The following SCN2A variants were observed in gnomAD, a reference collection of about 807,000 sequenced individuals.
SCN2A encodes the protein sodium channel protein type 2 subunit alpha.
Under a neutral mutation model 188.7 loss-of-function variants are expected in SCN2A, and 20 were observed. The ratio of observed to expected loss-of-function variants is 0.11; its 90% CI spans 0.07 to 0.15. The LOEUF is 0.15. SCN2A is among the 10% of genes least tolerant of loss of function. SCN2A has a pLI of 1.00. For synonymous variants in SCN2A, 804 were observed against 833.1 expected, an observed-to-expected ratio of 0.97 and a Z score of 0.60; for missense variants, 1,278 against 2,445.0, an observed-to-expected ratio of 0.52 and a Z score of 10.07.
intron 3 of SCN2A, among the ~76,000 whole-genome samples, chr2:165,301,166 A>G (rs756443424): frequency 4.6e-5 from 7 of 152,096 alleles, no homozygotes; most frequent in Non-Finnish European, 8.8e-5. Context: ...GAGCAAACCA[A>G]TTTGGTGGGT....
intron 15 of SCN2A, 79 bp downstream of exon 15, chr2:165,342,548 T>C: frequency 7.1e-7 from 1 of 1,412,774 alleles, no homozygotes; most frequent in Non-Finnish European, 1.0e-6. Flanking sequence ...AATGGCAAGA[T>C]TTCCCATCAT....
intron 16 of SCN2A, among the ~76,000 whole-genome samples, chr2:165,348,169 G>A (rs934281641): frequency 1.3e-5 from 2 of 152,054 alleles, no homozygotes; most frequent in Non-Finnish European, 2.9e-5. Context: ...GACCAGCCTA[G>A]TCAACATGGC....
chr2:165,300,532 T>C (rs948274683), intron 3 of SCN2A, among the ~76,000 whole-genome samples: 1 of 152,146 alleles, frequency 6.6e-6, no homozygotes, highest in African/African-American at 2.4e-5. Context: ...AAGGTACCAG[T>C]TGAGCAGAGA....
chr2:165,272,569 T>C (rs1020023894), intron 1 of SCN2A: 4 of 152,070 alleles, frequency 2.6e-5, no homozygotes, highest in Admixed American at 6.6e-5. Context: ...TACATTCTTT[T>C]CAAATACACA....
chr2:165,367,482 G>T, intron 19 of SCN2A, 111 bp downstream of exon 19: 1 of 1,230,432 alleles, frequency 8.1e-7, no homozygotes, highest in Non-Finnish European at 1.2e-6. Context: ...AGAATGAGAA[G>T]AAATATGTGT....
At chr2:165,243,751 A>G (rs1362853766) in intron 1 of SCN2A, 1 of 152,030 alleles carries the variant, frequency 6.6e-6, no homozygotes, top group Non-Finnish European at 1.5e-5. Context: ...AATCTCCTCT[A>G]AGGTGAATGC....
intron 23 of SCN2A, among the ~76,000 whole-genome samples, chr2:165,378,699 T>C (rs925150913): frequency 6.6e-6 from 1 of 151,766 alleles, no homozygotes; most frequent in Non-Finnish European, 1.5e-5. Flanking sequence ...CCACCTTCCT[T>C]ATCAATAGCT....
At chr2:165,300,989 G>C (rs953504541) in intron 3 of SCN2A, among the ~76,000 whole-genome samples, 4 of 152,078 alleles carry the variant, frequency 2.6e-5, no homozygotes, top group Admixed American at 2.6e-4. Context: ...CAATGAGGAT[G>C]GTAAAATGTC....
chr2:165,267,602 A>T (rs1012777033), intron 1 of SCN2A: 1 of 152,062 alleles, frequency 6.6e-6, no homozygotes, highest in Middle Eastern at 3.4e-3. Flanking sequence ...TTTGAATCTG[A>T]CCCCAAAATC....
intron 25 of SCN2A, among the ~76,000 whole-genome samples, chr2:165,384,735 G>A (rs559483171): frequency 6.6e-6 from 1 of 152,260 alleles, no homozygotes; most frequent in African/African-American, 2.4e-5. Flanking sequence ...ATCAATGAAA[G>A]CACTCAGTTT....
chr2:165,255,432 G>A lies in SCN2A; in HGVS notation c.-52+15792G>A, dbSNP rs190081140. On this transcript the variant is annotated intron_variant, in intron 1 of 26. Coordinates refer to ENST00000375437, the MANE Select transcript of SCN2A (RefSeq NM_001040142.2). The stretch of plus-strand genomic sequence containing the variant: ...AAAATGTACATGATTTGGTATTCAC[G>A]TTAATTTAAAAATGTTCTCCATAAG... 4.0e-5 allele frequency among the ~76,000 whole-genome samples: 6 copies of A among 151,784 alleles called. No homozygotes were observed. The South Asian group carries it at 8.3e-4, about 21-fold the overall frequency.
At chr2:165,347,512 A>G (rs1699662739) in intron 16 of SCN2A, among the ~76,000 whole-genome samples, 1 of 152,122 alleles carries the variant, frequency 6.6e-6, no homozygotes, top group Non-Finnish European at 1.5e-5. Context: ...TAATGGATGC[A>G]GCAAACCACC....
chr2:165,257,909 G>A (rs1694400631), intron 1 of SCN2A, among the ~76,000 whole-genome samples: 1 of 152,128 alleles, frequency 6.6e-6, no homozygotes, highest in South Asian at 2.1e-4. Flanking sequence ...TTTGTCCCAT[G>A]TATGTCTTCT....
At chr2:165,368,260 A>C (rs1449755816) in intron 19 of SCN2A, among the ~76,000 whole-genome samples, 5 of 152,066 alleles carry the variant, frequency 3.3e-5, no homozygotes, top group Non-Finnish European at 5.9e-5. Flanking sequence ...ACTTCTCTCT[A>C]ATGTCCAACT....
intron 2 of SCN2A, 101 bp downstream of exon 2, chr2:165,296,191 T>A: frequency 1.8e-6 from 2 of 1,138,498 alleles, no homozygotes; most frequent in Non-Finnish European, 2.7e-6. Flanking sequence ...TCCCTCTGTC[T>A]AAAGTATCAC....
intron 14 of SCN2A, among the ~76,000 whole-genome samples, chr2:165,340,004 G>A (rs1268049787): frequency 6.6e-6 from 1 of 152,142 alleles, no homozygotes; most frequent in Non-Finnish European, 1.5e-5. Flanking sequence ...CATGTCAATG[G>A]ATTTTTTGAA....
intron 10 of SCN2A, 105 bp from the exon 11 acceptor site, chr2:165,315,366 T>C (rs1316885361): frequency 6.5e-7 from 1 of 1,543,712 alleles, no homozygotes; most frequent in African/African-American, 1.4e-5. Context: ...AATGGAGAAT[T>C]GTTTTTCAAG....
intron 3 of SCN2A, among the ~76,000 whole-genome samples, chr2:165,301,256 G>C (rs1281530845): frequency 1.3e-5 from 2 of 152,112 alleles, no homozygotes; most frequent in Admixed American, 6.5e-5. Context: ...GAGTTAGGTG[G>C]CTGTGCAAAT....
At chr2:165,358,961 A>G (rs1700314849) in intron 17 of SCN2A, among the ~76,000 whole-genome samples, 1 of 152,126 alleles carries the variant, frequency 6.6e-6, no homozygotes, top group Admixed American at 6.6e-5. Context: ...CCTAAACCCA[A>G]TTTAATCATT....
Sources: allele counts gnomAD v4.1 joint callset (sites outside exome capture counted in the v4.1 genomes callset), GRCh38; gene constraint gnomAD v4.1.1; transcripts MANE v1.5; gene names NCBI Gene and HGNC (gene_info 2026-07-23, HGNC 2026-07-21).